Variants in ADK observed in about 807,000 individuals in gnomAD.
ADK encodes the protein adenosine kinase, also known as N6,N6-dimethyladenosine kinase.
Under a neutral mutation model 44.7 loss-of-function variants are expected in ADK, and 24 were observed. That is an observed-to-expected ratio of 0.54 (90% CI 0.39 to 0.76). The LOEUF (loss-of-function observed/expected upper bound fraction) is 0.76. Ranked by LOEUF, ADK falls within the 30% of genes least tolerant of loss-of-function variation. The pLI is 0.00. For missense variants in ADK, 321 were observed against 425.1 expected (o/e 0.76, Z 2.15); for synonymous variants, 128 against 142.6 (o/e 0.90, Z 0.73).
chr10:74,623,734 T>C (rs541799722), intron 9 of ADK, among the ~76,000 whole-genome samples: 228 of 151,276 alleles, frequency 1.5e-3, no homozygotes, highest in African/African-American at 5.2e-3. Flanking sequence ...TATATATATA[T>C]ACACACACAT....
chr10:74,708,516 A>T lies in ADK; in HGVS notation c.*71A>T. ...ATTGCTTCCTGAGAATTCCCATATT[A>T]ATAAAGAAGAAAATTATCTGCCATT... On this transcript the variant is annotated 3_prime_UTR_variant, in exon 11 of 11. Transcript: ENST00000539909. The T allele has an allele frequency of 6.5e-7, 1 of 1,548,232 alleles. No homozygotes were observed. Among genetic ancestry groups the T allele is most frequent in the Non-Finnish European group, 8.8e-7 (1 of 1,142,164 alleles).
chr10:74,406,520 T>TAAGAAG (rs1459364443), intron 6 of ADK, among the ~76,000 whole-genome samples: 33 of 57,648 alleles, frequency 5.7e-4, no homozygotes, highest in Admixed American at 1.9e-3. Flanking sequence ...ATAATAATAA[T>TAAGAAG]AATAATAAGA....
At chr10:74,531,770 G>A (rs1004840048) in intron 7 of ADK, among the ~76,000 whole-genome samples, 10 of 152,080 alleles carry the variant, frequency 6.6e-5, no homozygotes, top group South Asian at 2.1e-4. Flanking sequence ...GCACTGAAGC[G>A]AGTCCTTCTA....
chr10:74,634,497 G>A (rs969539641), intron 9 of ADK, among the ~76,000 whole-genome samples: 6 of 152,164 alleles, frequency 3.9e-5, no homozygotes, highest in African/African-American at 1.4e-4. Context: ...ACAGGCGTGA[G>A]CCACCATGCC....
intron 9 of ADK, among the ~76,000 whole-genome samples, chr10:74,642,566 C>T (rs1589325883): frequency 6.6e-6 from 1 of 151,850 alleles, no homozygotes; most frequent in African/African-American, 2.4e-5. Context: ...CCCTTAGTTG[C>T]AATACTCTGA....
chr10:74,200,156 G>GTTTTTTTTTTTTTTTT (rs760622376), intron 1 of ADK, among the ~76,000 whole-genome samples: 4 of 99,274 alleles, frequency 4.0e-5, no homozygotes, highest in Non-Finnish European at 7.9e-5. Context: ...GACACCATCT[G>GTTTTTTTTTTTTTTTT]TTTTTTTTTT....
chr10:74,484,157 C>T (rs891997782), intron 6 of ADK, among the ~76,000 whole-genome samples: 7 of 152,250 alleles, frequency 4.6e-5, no homozygotes, highest in Admixed American at 3.3e-4. Context: ...CTCATAGTTC[C>T]GCAGGCTCTA....
At chr10:74,200,988 T>C in intron 2 of ADK, 150 bp downstream of exon 2, 1 of 650,710 alleles carries the variant, frequency 1.5e-6, no homozygotes, top group Non-Finnish European at 2.7e-6. Context: ...GTGCTATCAT[T>C]AACTATTGAA....
rs536915870 is a variant in ADK, at chr10:74,357,460, ATT to A, written c.274-36660_274-36659del. ...AAGGCACACCCCACCATACCCAGTG[ATT>A]TTTTTTTTTTTTTTTTTTTTAAGAG... On this transcript the variant is annotated intron_variant, in intron 4 of 10. Transcript: ENST00000539909. Among the ~76,000 whole-genome samples, 878 of 134,586 alleles carry A rather than the reference ATT, an allele frequency of 6.5e-3. 5 individuals carry two copies. Among genetic ancestry groups the A allele is most frequent in the African/African-American group, 0.022 (776 of 34,586 alleles). The allele number at this position is 134,586 out of a possible 152,430, so 88.3% of individuals were successfully genotyped here.
chr10:74,684,664 C>T (rs1248643741), intron 10 of ADK, among the ~76,000 whole-genome samples: 1 of 152,066 alleles, frequency 6.6e-6, no homozygotes, highest in Middle Eastern at 3.2e-3. Context: ...TCCAGCTACT[C>T]AGGAGGCCAA....
intron 1 of ADK, among the ~76,000 whole-genome samples, chr10:74,180,137 C>A (rs1047368419): frequency 2.0e-5 from 3 of 151,836 alleles, no homozygotes; most frequent in African/African-American, 7.3e-5. Context: ...CAATGAGGAC[C>A]AATGGTCAGA....
chr10:74,236,799 C>T (rs184690046), intron 3 of ADK, among the ~76,000 whole-genome samples: 14 of 152,190 alleles, frequency 9.2e-5, no homozygotes, highest in African/African-American at 2.6e-4. Flanking sequence ...CTATTGTATA[C>T]AATAACATTG....
At chr10:74,698,191 G>A (rs913055066) in intron 10 of ADK, among the ~76,000 whole-genome samples, 2 of 152,164 alleles carry the variant, frequency 1.3e-5, no homozygotes, top group East Asian at 3.9e-4. Flanking sequence ...AGCCTGAGAG[G>A]CCCAGGTTGA....
rs913157946 is a variant in ADK, at chr10:74,691,098, G to A, written c.965-17223G>A. Among the ~76,000 whole-genome samples, 9 of 152,316 alleles carry A rather than the reference G, an allele frequency of 5.9e-5. No individual in the cohort carries two copies. The East Asian group carries it at 1.7e-3, about 29-fold the overall frequency. On this transcript the variant is annotated intron_variant, in intron 10 of 10. Coordinates refer to ENST00000539909, the MANE Select transcript of ADK (RefSeq NM_006721.4). ...AACACCTTTAAGTTGACTGCCTCGTGTACACTGTGGCAGCATATATCTGGT... is the reference window on the plus strand; with the variant it reads ...AACACCTTTAAGTTGACTGCCTCGTATACACTGTGGCAGCATATATCTGGT...
At chr10:74,235,357 G>T (rs4746190) in intron 3 of ADK, among the ~76,000 whole-genome samples, 4,852 of 151,940 alleles carry the variant, frequency 0.032, 276 homozygotes, top group African/African-American at 0.11. Context: ...TTTCTTAAGA[G>T]GTGGTCTCAC....
intron 9 of ADK, among the ~76,000 whole-genome samples, chr10:74,618,531 C>T (rs551720437): frequency 8.5e-5 from 13 of 152,192 alleles, no homozygotes; most frequent in African/African-American, 1.2e-4. Flanking sequence ...TCAAGTGATC[C>T]GCCCGCCTCG....
intron 4 of ADK, among the ~76,000 whole-genome samples, chr10:74,321,651 A>G (rs1315515198): frequency 1.3e-5 from 2 of 152,334 alleles, no homozygotes; most frequent in Admixed American, 6.5e-5. Flanking sequence ...TCTTCCAATT[A>G]GATAAGCCTC....
chr10:74,216,739 A>T (rs986959610), intron 2 of ADK, among the ~76,000 whole-genome samples: 3 of 152,044 alleles, frequency 2.0e-5, no homozygotes, highest in Non-Finnish European at 4.4e-5. Flanking sequence ...AAAAAAATAA[A>T]AAAAAAAAAG....
At chr10:74,414,594 G>T (rs999420657) in intron 6 of ADK, among the ~76,000 whole-genome samples, 3 of 152,070 alleles carry the variant, frequency 2.0e-5, no homozygotes, top group African/African-American at 7.2e-5. Context: ...AAATTAGCCG[G>T]GCGTGGTGGC....
Sources: allele counts gnomAD v4.1 joint callset (sites outside exome capture counted in the v4.1 genomes callset), GRCh38; gene constraint gnomAD v4.1.1; transcripts MANE v1.5; gene names NCBI Gene and HGNC (gene_info 2026-07-23, HGNC 2026-07-21).